BRIP1: variants seen among roughly 807,000 people sequenced by gnomAD.
The protein encoded by BRIP1 is BRCA1 interacting DNA helicase 1, also known as Fanconi anemia group J protein.
BRIP1 carries 88 observed loss-of-function variants against 119.7 expected under a neutral mutation model. That is an observed-to-expected ratio of 0.74 (90% CI 0.62 to 0.88). The LOEUF is 0.88. BRIP1 is among the 40% of genes least tolerant of loss of function. The pLI is 0.00. For missense variants in BRIP1, 1,259 were observed against 1,455.4 expected (o/e 0.87, Z 2.20); for synonymous variants, 443 against 496.5 (o/e 0.89, Z 1.43).
At position 61,761,212 on chromosome 17, in the gene BRIP1, G is replaced by A. The variant is rs2077272836; in HGVS notation, c.2097+15189C>T. Among the ~76,000 whole-genome samples, 1 of 151,926 alleles carries A rather than the reference G, an allele frequency of 6.6e-6. No homozygotes were observed. Among genetic ancestry groups the A allele is most frequent in the South Asian group, 2.1e-4 (1 of 4,834 alleles). Reference sequence around the variant, plus strand: ...TTGACAAAATTCAACATCCTTTCCTGAGAAAAACTTTTACTAAATTAGGTA... The same window carrying A: ...TTGACAAAATTCAACATCCTTTCCTAAGAAAAACTTTTACTAAATTAGGTA... On this transcript the variant is annotated intron_variant, in intron 14 of 19. Transcript: ENST00000259008. This position sits in a 1 kb window ranked among gnomAD's most constrained non-coding sequence, Gnocchi z 6.4.
rs1331775190 is a variant in BRIP1 at position 61,844,277 on chromosome 17, T to C, written c.627+2824A>G. Among the ~76,000 whole-genome samples the C allele has an allele frequency of 3.3e-5, 5 of 152,106 alleles. No homozygotes were observed. Among genetic ancestry groups the C allele is most frequent in the Admixed American group, 2.0e-4 (3 of 15,264 alleles). The stretch of plus-strand genomic sequence containing the variant: ...TCAGGCAGTATGTGTCCAAAGTCCA[T>C]TCTCTTAACCAATAAAAACAAAACA... On this transcript the variant is annotated intron_variant, in intron 6 of 19. Coordinates refer to ENST00000259008, the MANE Select transcript of BRIP1 (RefSeq NM_032043.3). This position sits in a 1 kb window ranked among gnomAD's most constrained non-coding sequence, Gnocchi z 4.7.
chr17:61,694,073 AC>A (rs999557682), intron 17 of BRIP1, among the ~76,000 whole-genome samples: 43 of 152,288 alleles, frequency 2.8e-4, no homozygotes, highest in African/African-American at 9.1e-4. Flanking sequence ...GTTTAAAAAA[AC>A]ACATTAAAAA....
chr17:61,721,195 T>G lies in BRIP1; in HGVS notation c.2380-5132A>C, dbSNP rs958745827. Among the ~76,000 whole-genome samples, 6 of 151,108 alleles carry G rather than the reference T, an allele frequency of 4.0e-5. No homozygotes were observed. The East Asian group carries it at 1.2e-3, about 30-fold the overall frequency. ...TGCTTTAGGAAAGAAAACAGAACAGTACACTTCTGAAAAGCAGCTTTCAAA... is the reference window on the plus strand; with the variant it reads ...TGCTTTAGGAAAGAAAACAGAACAGGACACTTCTGAAAAGCAGCTTTCAAA... On this transcript the variant is annotated intron_variant, in intron 16 of 19. Transcript: ENST00000259008.
At chr17:61,783,374 C>T (rs2077652589) in intron 11 of BRIP1, among the ~76,000 whole-genome samples, 1 of 151,992 alleles carries the variant, frequency 6.6e-6, no homozygotes, top group African/African-American at 2.4e-5. Context: ...AAATAGAATA[C>T]AGGTTAGCAG....
At position 61,816,282 on chromosome 17, in the gene BRIP1, C is replaced by T. The variant is rs928703457; in HGVS notation, c.628-7525G>A. Among the ~76,000 whole-genome samples the T allele has an allele frequency of 6.6e-6, 1 of 152,182 alleles. No homozygotes were observed. The highest frequency in any genetic ancestry group is 6.5e-5 in the Admixed American group (1 of 15,280). ...AAATCCACAACTTTCTTCATCCCAT[C>T]GCTGTAAATTAGCCTGCTCTAAAGT... is the stretch of plus-strand genomic sequence containing the variant. On this transcript the variant is annotated intron_variant, in intron 6 of 19. Transcript: ENST00000259008. The surrounding 1 kb of genome is among the most constrained non-coding windows in gnomAD (Gnocchi z 5.0).
chr17:61,801,040 A>G (rs1464117137), intron 8 of BRIP1, among the ~76,000 whole-genome samples: 2 of 152,272 alleles, frequency 1.3e-5, no homozygotes, highest in East Asian at 3.9e-4. Context: ...TTCAGTCACT[A>G]TGTTCCTTAA....
chr17:61,706,347 A>G lies in BRIP1; in HGVS notation c.2492+9604T>C, dbSNP rs2061690317. Reference sequence around the variant, plus strand: ...CTGTCTAGGTTTTTTAGACTACTAAATATGCTTACTTCATCTTTTCTAGGA... The same window carrying G: ...CTGTCTAGGTTTTTTAGACTACTAAGTATGCTTACTTCATCTTTTCTAGGA... On this transcript the variant is annotated intron_variant, in intron 17 of 19. Transcript: ENST00000259008. This position sits in a 1 kb window ranked among gnomAD's most constrained non-coding sequence, Gnocchi z 5.7. Among the ~76,000 whole-genome samples the G allele has an allele frequency of 6.6e-6, 1 of 152,192 alleles. No individual in the cohort carries two copies.
chr17:61,741,180 A>G (rs1393789663), intron 16 of BRIP1, among the ~76,000 whole-genome samples: 2 of 152,032 alleles, frequency 1.3e-5, no homozygotes, highest in African/African-American at 4.8e-5. Flanking sequence ...ATAAAATGCA[A>G]CTCCTCATCT....
At chr17:61,790,406 T>G (rs1367198410) in intron 10 of BRIP1, among the ~76,000 whole-genome samples, 2 of 151,708 alleles carry the variant, frequency 1.3e-5, no homozygotes, top group Non-Finnish European at 2.9e-5. Flanking sequence ...ATTAGCCAGG[T>G]GTGGTGGCGC....
rs895729898 is a variant in BRIP1, at chr17:61,683,010, T to C, written c.*286A>G. On this transcript the variant is annotated 3_prime_UTR_variant, in exon 20 of 20. Transcript: ENST00000259008. The surrounding 1 kb of genome is among the most constrained non-coding windows in gnomAD (Gnocchi z 4.7). ...AGCTGGGCATGGTGGTGCACACCTG[T>C]AGTCCCAGCTACTCAGAAGGCTGAG... is the stretch of plus-strand genomic sequence containing the variant. 12 of 384,572 alleles carry C rather than the reference T, an allele frequency of 3.1e-5. No homozygotes were observed. In the South Asian group the frequency reaches 3.4e-4, roughly 11 times the overall value. The allele number at this position is 384,572 out of a possible 1,614,324, so 23.8% of individuals were successfully genotyped here.
chr17:61,748,377 G>C lies in BRIP1; in HGVS notation c.2098-3786C>G, dbSNP rs1324145265. Among the ~76,000 whole-genome samples, 1 of 152,100 alleles carries C rather than the reference G, an allele frequency of 6.6e-6. No homozygotes were observed. The highest frequency in any genetic ancestry group is 1.5e-5 in the Non-Finnish European group (1 of 68,026). ...CCAGTCCCTGGTGCTAAGAAGGTTG[G>C]GGACCATTGATTTTAAAGACTAATA... On this transcript the variant is annotated intron_variant, in intron 14 of 19. Transcript: ENST00000259008. The surrounding 1 kb of genome is among the most constrained non-coding windows in gnomAD (Gnocchi z 4.7).
chr17:61,729,519 AT>A lies in BRIP1; in HGVS notation c.2380-13457del, dbSNP rs1453053183. On this transcript the variant is annotated intron_variant, in intron 16 of 19. Transcript: ENST00000259008. The surrounding 1 kb of genome is among the most constrained non-coding windows in gnomAD (Gnocchi z 5.6). ...AAAACTGATTAAATAAAGATAAAAT[AT>A]GGAGGTAAATACCAGATAAAATAGC... 6.6e-6 allele frequency among the ~76,000 whole-genome samples: 1 copy of A among 152,126 alleles called. No individual in the cohort carries two copies.
rs777261989 is a variant in BRIP1 at position 61,860,489 on chromosome 17, G to A, written c.94-582C>T. ...AGCCTGGCCAACACGGTGAAAACCC[G>A]TCTCTACTAAAAATCCAAAAATTAG... On this transcript the variant is annotated intron_variant, in intron 2 of 19. Transcript: ENST00000259008. This position sits in a 1 kb window ranked among gnomAD's most constrained non-coding sequence, Gnocchi z 4.1. 1.3e-5 allele frequency among the ~76,000 whole-genome samples: 2 copies of A among 152,146 alleles called. No homozygotes were observed. The highest frequency in any genetic ancestry group is 1.9e-4 in the East Asian group (1 of 5,172).
rs1006743022 is a variant in BRIP1, at chr17:61,754,701, GC to G, written c.2098-10111del. Among the ~76,000 whole-genome samples the G allele has an allele frequency of 1.1e-4, 16 of 152,158 alleles. No individual in the cohort carries two copies. Among genetic ancestry groups the G allele is most frequent in the African/African-American group, 3.6e-4 (15 of 41,434 alleles). On this transcript the variant is annotated intron_variant, in intron 14 of 19. Transcript: ENST00000259008. This position sits in a 1 kb window ranked among gnomAD's most constrained non-coding sequence, Gnocchi z 4.1. ...TGGCTATGAAGTCCAAGATAAAGGT[GC>G]CTGTTAACTTGATTTCTGGTTAGGG... is the stretch of plus-strand genomic sequence containing the variant.
rs138666235 is a variant in BRIP1, at chr17:61,759,693, G to A, written c.2098-15102C>T. 4.2e-4 allele frequency among the ~76,000 whole-genome samples: 63 copies of A among 151,722 alleles called. No individual in the cohort carries two copies. The highest frequency in any genetic ancestry group is 1.4e-3 in the East Asian group (7 of 5,168). Reference sequence around the variant, plus strand: ...TTTTTGTTACCCATCATATATAAACGGTTAATGTTTATACTATACTGCAGT... The same window carrying A: ...TTTTTGTTACCCATCATATATAAACAGTTAATGTTTATACTATACTGCAGT... On this transcript the variant is annotated intron_variant, in intron 14 of 19. Coordinates refer to ENST00000259008, the MANE Select transcript of BRIP1 (RefSeq NM_032043.3). This position sits in a 1 kb window ranked among gnomAD's most constrained non-coding sequence, Gnocchi z 4.9.
rs2144653606 is a variant in BRIP1, at chr17:61,740,572, G to T, written c.2379+2441C>A. 6.6e-6 allele frequency among the ~76,000 whole-genome samples: 1 copy of T among 152,192 alleles called. No homozygotes were observed. Among genetic ancestry groups the T allele is most frequent in the East Asian group, 1.9e-4 (1 of 5,188 alleles). Reference sequence around the variant, plus strand: ...TAAGGATACAGGAAAACATATACAGGCATCCCTGAGAGACATTGCAAGTTT... The same window carrying T: ...TAAGGATACAGGAAAACATATACAGTCATCCCTGAGAGACATTGCAAGTTT... On this transcript the variant is annotated intron_variant, in intron 16 of 19. Coordinates refer to ENST00000259008, the MANE Select transcript of BRIP1 (RefSeq NM_032043.3). The surrounding 1 kb of genome is among the most constrained non-coding windows in gnomAD (Gnocchi z 5.4).
chr17:61,779,825 G>A (rs997671287), intron 13 of BRIP1, among the ~76,000 whole-genome samples: 12 of 151,606 alleles, frequency 7.9e-5, no homozygotes, highest in South Asian at 2.1e-4. Context: ...GGCGTGCGGC[G>A]CACACCTGTA....
rs372575739 is a variant in BRIP1, at chr17:61,770,040, C to T, written c.2097+6361G>A. Among the ~76,000 whole-genome samples, 4 of 152,300 alleles carry T rather than the reference C, an allele frequency of 2.6e-5. No individual in the cohort carries two copies. The highest frequency in any genetic ancestry group is 9.6e-5 in the African/African-American group (4 of 41,566). On this transcript the variant is annotated intron_variant, in intron 14 of 19. Transcript: ENST00000259008. This position sits in a 1 kb window ranked among gnomAD's most constrained non-coding sequence, Gnocchi z 4.7. ...AACAACCATTTTGAAATACGTTCAACGCATTCTCTAAAACAATGGCCAGTC... is the reference window on the plus strand; with the variant it reads ...AACAACCATTTTGAAATACGTTCAATGCATTCTCTAAAACAATGGCCAGTC...
At chr17:61,711,822 C>T (rs1270543652) in intron 17 of BRIP1, among the ~76,000 whole-genome samples, 1 of 151,524 alleles carries the variant, frequency 6.6e-6, no homozygotes, top group African/African-American at 2.4e-5. Context: ...GAACTGAGAT[C>T]GCACCACTGC....
Sources: gnomAD v4.1 joint callset for allele counts (sites outside exome capture counted in the v4.1 genomes callset) on GRCh38, gnomAD v4.1.1 for gene constraint, Gnocchi (gnomAD v3.1) non-coding constraint, MANE v1.5 for transcripts, NCBI Gene and HGNC (gene_info 2026-07-23, HGNC 2026-07-21) for gene names.